MARCHF4: variants seen among roughly 807,000 people sequenced by gnomAD.
MARCHF4 encodes membrane associated ring-CH-type finger 4.
In MARCHF4, 14 loss-of-function variants were observed where a neutral mutation model predicts 43.9. The observed-to-expected ratio is 0.32, with a 90% confidence interval of 0.21 to 0.50. The LOEUF (loss-of-function observed/expected upper bound fraction) is 0.50, where lower values mean the gene tolerates loss of function less well. MARCHF4 is among the 20% of genes least tolerant of loss of function. MARCHF4 has a pLI of 0.98. For missense variants in MARCHF4, 468 were observed against 536.7 expected (o/e 0.87, Z 1.27); for synonymous variants, 226 against 213.3 (o/e 1.06, Z -0.52).
At chr2:216,357,118 T>C (rs1024442015) in intron 1 of MARCHF4, among the ~76,000 whole-genome samples, 10 of 152,300 alleles carry the variant, frequency 6.6e-5, no homozygotes, top group Admixed American at 2.6e-4. Context: ...CATAGTACAA[T>C]GACCCAAACT....
intron 1 of MARCHF4, among the ~76,000 whole-genome samples, chr2:216,293,368 GA>G (rs1005612470): frequency 4.6e-5 from 7 of 152,098 alleles, no homozygotes; most frequent in Admixed American, 2.6e-4. Flanking sequence ...ATTAAAAAAA[GA>G]AAGAACTCTA....
intron 1 of MARCHF4, among the ~76,000 whole-genome samples, chr2:216,345,696 C>G (rs1692308735): frequency 6.6e-6 from 1 of 152,172 alleles, no homozygotes; most frequent in African/African-American, 2.4e-5. Context: ...CTTTGCTGCT[C>G]AAAGTGTGAT....
At chr2:216,268,908 GCTGCCCCCATCCT>G (rs1690889638) in intron 3 of MARCHF4, among the ~76,000 whole-genome samples, 1 of 152,158 alleles carries the variant, frequency 6.6e-6, no homozygotes, top group South Asian at 2.1e-4. Flanking sequence ...GTACAATCCT[GCTGCCCCCATCCT>G]CTGCCTATTT....
At chr2:216,292,452 A>T (rs1165025689) in intron 1 of MARCHF4, among the ~76,000 whole-genome samples, 2 of 152,162 alleles carry the variant, frequency 1.3e-5, no homozygotes, top group Non-Finnish European at 2.9e-5. Flanking sequence ...TGTGGGGAGG[A>T]ATGGGTATAG....
intron 1 of MARCHF4, among the ~76,000 whole-genome samples, chr2:216,290,226 T>C (rs1691287763): frequency 6.6e-6 from 1 of 152,034 alleles, no homozygotes; most frequent in African/African-American, 2.4e-5. Context: ...TGACTGTGTA[T>C]GAAGGCTTCA....
intron 1 of MARCHF4, among the ~76,000 whole-genome samples, chr2:216,325,583 A>C (rs968920429): frequency 6.6e-6 from 1 of 152,242 alleles, no homozygotes; most frequent in Admixed American, 6.5e-5. Flanking sequence ...AGGCTACAGT[A>C]ACCAAAACAG....
chr2:216,294,445 C>G (rs1201230826), intron 1 of MARCHF4, among the ~76,000 whole-genome samples: 1 of 152,240 alleles, frequency 6.6e-6, no homozygotes, highest in East Asian at 1.9e-4. Flanking sequence ...TTACACTTCA[C>G]TAATGTTCCG....
intron 1 of MARCHF4, among the ~76,000 whole-genome samples, chr2:216,312,996 G>A (rs374347584): frequency 1.3e-5 from 2 of 152,138 alleles, no homozygotes; most frequent in East Asian, 3.9e-4. Flanking sequence ...CTTTCTTCTA[G>A]GATTTTTATA....
intron 1 of MARCHF4, among the ~76,000 whole-genome samples, chr2:216,345,161 C>T (rs1187118665): frequency 6.6e-6 from 1 of 151,726 alleles, no homozygotes; most frequent in Non-Finnish European, 1.5e-5. Flanking sequence ...GTGGGAGGTC[C>T]AGTGTAGATC....
intron 3 of MARCHF4, among the ~76,000 whole-genome samples, chr2:216,268,296 C>T (rs1227457222): frequency 6.6e-6 from 1 of 152,142 alleles, no homozygotes; most frequent in African/African-American, 2.4e-5. Flanking sequence ...TTGTCCAAGG[C>T]CATAGAGGTG....
At chr2:216,353,192 C>G (rs567728259) in intron 1 of MARCHF4, among the ~76,000 whole-genome samples, 1 of 152,228 alleles carries the variant, frequency 6.6e-6, no homozygotes, top group Admixed American at 6.5e-5. Context: ...GCCAAGTAGC[C>G]TCACATTTTA....
At position 216,263,388 on chromosome 2, in the gene MARCHF4, C is replaced by A. The variant is rs141852519; in HGVS notation, c.866-3709G>T. ...GTTGCAGTGAGCCGAGATCATGCCA[C>A]TGCACTCCAGCCTGGGTGCCAAAAT... On this transcript the variant is annotated intron_variant, in intron 3 of 3. Transcript: ENST00000273067. Among the ~76,000 whole-genome samples, 631 of 151,464 alleles carry A rather than the reference C, an allele frequency of 4.2e-3. 7 individuals carry two copies. The highest frequency in any genetic ancestry group is 0.015 in the African/African-American group (616 of 41,230).
intron 1 of MARCHF4, among the ~76,000 whole-genome samples, chr2:216,348,484 G>A (rs1026202751): frequency 1.4e-4 from 22 of 152,298 alleles, no homozygotes; most frequent in African/African-American, 5.3e-4. Context: ...ACCTCTGGTT[G>A]TCCTCACTGC....
intron 1 of MARCHF4, among the ~76,000 whole-genome samples, chr2:216,311,173 G>A (rs1444838246): frequency 6.6e-6 from 1 of 152,088 alleles, no homozygotes; most frequent in Non-Finnish European, 1.5e-5. Flanking sequence ...CATATCCCAT[G>A]CCATTAAGTA....
chr2:216,362,849 T>A (rs920842480), intron 1 of MARCHF4, among the ~76,000 whole-genome samples: 2 of 152,190 alleles, frequency 1.3e-5, no homozygotes, highest in African/African-American at 4.8e-5. Flanking sequence ...AACTCTGGCT[T>A]ATACCTGATG....
intron 1 of MARCHF4, among the ~76,000 whole-genome samples, chr2:216,332,977 A>C (rs1417933176): frequency 6.6e-6 from 1 of 152,244 alleles, no homozygotes; most frequent in East Asian, 1.9e-4. Context: ...AAAAAAGTGC[A>C]TCTTGAACCC....
intron 1 of MARCHF4, among the ~76,000 whole-genome samples, chr2:216,320,147 G>A (rs1559098387): frequency 6.6e-6 from 1 of 152,098 alleles, no homozygotes; most frequent in Non-Finnish European, 1.5e-5. Context: ...GGAACATAAG[G>A]GACTCATTAT....
At chr2:216,319,857 T>C (rs550776113) in intron 1 of MARCHF4, among the ~76,000 whole-genome samples, 28 of 152,288 alleles carry the variant, frequency 1.8e-4, no homozygotes, top group Admixed American at 5.9e-4. Flanking sequence ...CTCAGGATGA[T>C]AGAACTAATA....
chr2:216,267,451 C>T (rs1208601603), intron 3 of MARCHF4, among the ~76,000 whole-genome samples: 2 of 152,214 alleles, frequency 1.3e-5, no homozygotes, highest in Admixed American at 6.5e-5. Flanking sequence ...AAAGACTCAG[C>T]AGCCCAAGGG....
Sources: gnomAD v4.1 joint callset for allele counts (sites outside exome capture counted in the v4.1 genomes callset) on GRCh38, gnomAD v4.1.1 for gene constraint, MANE v1.5 for transcripts, NCBI Gene and HGNC (gene_info 2026-07-23, HGNC 2026-07-21) for gene names.